INPP4B: variants seen among roughly 807,000 people sequenced by gnomAD.
INPP4B encodes the protein inositol polyphosphate 4-phosphatase type II.
In INPP4B, 55 loss-of-function variants were observed where a neutral mutation model predicts 122.5. The observed-to-expected ratio is 0.45, with a 90% CI of 0.36 to 0.56. The LOEUF (loss-of-function observed/expected upper bound fraction) is 0.56. INPP4B is among the 20% of genes least tolerant of loss of function. INPP4B has a pLI of 0.00. For synonymous variants in INPP4B, 403 were observed against 388.7 expected (o/e 1.04, Z -0.43); for missense variants, 1,000 against 1,097.7 (o/e 0.91, Z 1.26).
intron 7 of INPP4B, among the ~76,000 whole-genome samples, chr4:142,364,714 A>T (rs1786754624): frequency 6.6e-6 from 1 of 152,110 alleles, no homozygotes; most frequent in African/African-American, 2.4e-5. Context: ...AGTAAGAGGC[A>T]CACAATCCAT....
intron 2 of INPP4B, among the ~76,000 whole-genome samples, chr4:142,711,884 C>T (rs926494550): frequency 1.3e-5 from 2 of 152,064 alleles, no homozygotes; most frequent in East Asian, 1.9e-4. Flanking sequence ...CCTGTCTCTA[C>T]TAAAAAGTCA....
At chr4:142,390,884 C>T (rs1186307231) in intron 7 of INPP4B, among the ~76,000 whole-genome samples, 2 of 152,086 alleles carry the variant, frequency 1.3e-5, no homozygotes, top group Non-Finnish European at 2.9e-5. Context: ...ATGCAAAATC[C>T]TAGAATATGG....
chr4:142,143,481 G>A (rs977958199), intron 18 of INPP4B, among the ~76,000 whole-genome samples: 2 of 151,722 alleles, frequency 1.3e-5, no homozygotes, highest in Non-Finnish European at 2.9e-5. Context: ...CTTTTCAGAG[G>A]GCAAAAGGAG....
At chr4:142,493,452 G>A (rs532507265) in intron 2 of INPP4B, among the ~76,000 whole-genome samples, 39 of 152,292 alleles carry the variant, frequency 2.6e-4, no homozygotes, top group South Asian at 8.3e-4. Context: ...CAGCCAGTAG[G>A]GGAGCTGTAC....
intron 7 of INPP4B, among the ~76,000 whole-genome samples, chr4:142,344,556 CT>C (rs1039308095): frequency 8.1e-4 from 123 of 151,960 alleles, no homozygotes; most frequent in African/African-American, 2.9e-3. Context: ...AAAAATCAAC[CT>C]TTTTCCAGCT....
intron 17 of INPP4B, among the ~76,000 whole-genome samples, chr4:142,159,062 C>T (rs1366978427): frequency 1.3e-5 from 2 of 151,760 alleles, no homozygotes; most frequent in African/African-American, 4.8e-5. Flanking sequence ...ATTTATATTA[C>T]TTAAGAAACA....
rs559309914 is a variant in INPP4B, at chr4:142,305,440, A to G, written c.503+18T>C. The stretch of plus-strand genomic sequence containing the variant: ...TGTTATTAACTTTAACAGTATTTCT[A>G]CAAACAAAGAGACCCACCTCAGGCT... On this transcript the variant is annotated intron_variant, in intron 9 of 25. Transcript: ENST00000262992. 1.3e-6 allele frequency: 2 copies of G among 1,583,710 alleles called. No individual in the cohort carries two copies. The highest frequency in any genetic ancestry group is 2.7e-5 in the African/African-American group (2 of 74,056).
At position 142,206,696 on chromosome 4, in the gene INPP4B, A is replaced by G. The variant is rs536535425; in HGVS notation, c.1072+1729T>C. Among the ~76,000 whole-genome samples, 81 of 152,066 alleles carry G rather than the reference A, an allele frequency of 5.3e-4. 1 individual carries two copies. The highest frequency in any genetic ancestry group is 1.7e-3 in the African/African-American group (71 of 41,498). ...TTGATGACGTTGGACATAAATATAT[A>G]CTCTTTAAACCATTACCACGACTTA... is the stretch of plus-strand genomic sequence containing the variant. On this transcript the variant is annotated intron_variant, in intron 14 of 25. Coordinates refer to ENST00000262992, the MANE Select transcript of INPP4B (RefSeq NM_001101669.3).
intron 25 of INPP4B, among the ~76,000 whole-genome samples, chr4:142,056,379 G>T (rs966732811): frequency 1.4e-4 from 21 of 152,104 alleles, no homozygotes; most frequent in African/African-American, 5.1e-4. Flanking sequence ...ACTTAAAAAG[G>T]AATTCAAGCT....
intron 2 of INPP4B, among the ~76,000 whole-genome samples, chr4:142,484,625 T>C (rs1338132916): frequency 6.6e-6 from 1 of 152,144 alleles, no homozygotes; most frequent in East Asian, 1.9e-4. Flanking sequence ...TTTAAGTACA[T>C]AGGTACATGT....
At chr4:142,571,449 T>C (rs758430372) in intron 2 of INPP4B, among the ~76,000 whole-genome samples, 5 of 152,270 alleles carry the variant, frequency 3.3e-5, no homozygotes, top group Non-Finnish European at 5.9e-5. Context: ...TATTCACATA[T>C]ACTGATTAAC....
chr4:142,826,377 T>C (rs1398120279), intron 1 of INPP4B, among the ~76,000 whole-genome samples: 1 of 152,106 alleles, frequency 6.6e-6, no homozygotes, highest in Admixed American at 6.6e-5. Context: ...ACCTAAGAAG[T>C]ACATGTCCTT....
chr4:142,039,927 T>A (rs1746265304), intron 25 of INPP4B, among the ~76,000 whole-genome samples: 1 of 148,484 alleles, frequency 6.7e-6, no homozygotes, highest in South Asian at 2.1e-4. Context: ...GGCTATTGTT[T>A]AAAATGTGTG....
chr4:142,537,677 AAAAT>A (rs1193535199), intron 2 of INPP4B, among the ~76,000 whole-genome samples: 2 of 151,608 alleles, frequency 1.3e-5, no homozygotes, highest in African/African-American at 4.8e-5. Context: ...TGAGAGATAA[AAAAT>A]TGGTTTCATT....
intron 2 of INPP4B, among the ~76,000 whole-genome samples, chr4:142,523,934 T>G (rs1580279865): frequency 6.8e-6 from 1 of 147,550 alleles, no homozygotes; most frequent in East Asian, 2.0e-4. Flanking sequence ...TGCGATAGTT[T>G]ACTGAGAATG....
intron 25 of INPP4B, among the ~76,000 whole-genome samples, chr4:142,071,293 T>C (rs1396915835): frequency 6.6e-6 from 1 of 152,006 alleles, no homozygotes; most frequent in Non-Finnish European, 1.5e-5. Context: ...ATGTAGAAAG[T>C]TGAAACTGGA....
intron 2 of INPP4B, among the ~76,000 whole-genome samples, chr4:142,666,604 G>GA (rs934491833): frequency 6.6e-6 from 1 of 151,970 alleles, no homozygotes; most frequent in African/African-American, 2.4e-5. Context: ...TTTAGCTCTT[G>GA]AAAATTAAAA....
intron 2 of INPP4B, among the ~76,000 whole-genome samples, chr4:142,555,947 A>G (rs1001563672): frequency 2.6e-5 from 4 of 151,998 alleles, no homozygotes; most frequent in African/African-American, 9.7e-5. Context: ...GTGTGTGTGT[A>G]TATACAGATA....
intron 2 of INPP4B, among the ~76,000 whole-genome samples, chr4:142,625,554 T>G (rs1256323811): frequency 6.6e-6 from 1 of 152,106 alleles, no homozygotes; most frequent in Non-Finnish European, 1.5e-5. Context: ...ATGGCCATAC[T>G]GCCCAAGGTA....
Sources: gnomAD v4.1 joint callset for allele counts (sites outside exome capture counted in the v4.1 genomes callset) on GRCh38, gnomAD v4.1.1 for gene constraint, MANE v1.5 for transcripts, NCBI Gene and HGNC (gene_info 2026-07-23, HGNC 2026-07-21) for gene names.